The following ANKRD44 variants were observed in gnomAD, a reference collection of about 807,000 sequenced individuals.
ANKRD44 encodes serine/threonine-protein phosphatase 6 regulatory ankyrin repeat subunit B.
In ANKRD44, 35 loss-of-function variants were observed where a neutral mutation model predicts 116.0. That is an observed-to-expected ratio of 0.30 (90% CI 0.23 to 0.40). The LOEUF (loss-of-function observed/expected upper bound fraction) is 0.40. Ranked by LOEUF, ANKRD44 falls within the 10% of genes least tolerant of loss-of-function variation. The pLI, the probability that ANKRD44 is intolerant of heterozygous loss-of-function variation, is 1.00. For missense variants in ANKRD44, 1,014 were observed against 1,242.6 expected (o/e 0.82, Z 2.77); for synonymous variants, 435 against 461.8 (o/e 0.94, Z 0.74).
intron 1 of ANKRD44, among the ~76,000 whole-genome samples, chr2:197,213,503 C>T (rs142926338): frequency 1.8e-4 from 27 of 152,302 alleles, no homozygotes; most frequent in African/African-American, 6.3e-4. Context: ...AAAACCAACT[C>T]ATTAGATGAT....
intron 19 of ANKRD44, 36 bp downstream of exon 19, chr2:197,008,907 GA>G (rs1232392952): frequency 3.1e-6 from 5 of 1,588,030 alleles, no homozygotes; most frequent in Non-Finnish European, 4.3e-6. Flanking sequence ...TGCTGTGATT[GA>G]AATGTCAACC....
chr2:197,267,036 C>T (rs1830286), intron 1 of ANKRD44, among the ~76,000 whole-genome samples: 32,523 of 151,990 alleles, frequency 0.21, 3,660 homozygotes, highest in Middle Eastern at 0.29. Context: ...AACAATGCCA[C>T]ATCAAGGCAT....
At chr2:197,123,456 C>T (rs1330670245) in intron 6 of ANKRD44, among the ~76,000 whole-genome samples, 6 of 152,098 alleles carry the variant, frequency 3.9e-5, no homozygotes, top group Admixed American at 2.6e-4. Flanking sequence ...CATGGTGAAA[C>T]CCCATCTCTA....
intron 1 of ANKRD44, among the ~76,000 whole-genome samples, chr2:197,287,145 T>C (rs1229152722): frequency 1.3e-5 from 2 of 152,144 alleles, no homozygotes; most frequent in African/African-American, 4.8e-5. Context: ...TGTACCACTC[T>C]AGTGGGGATG....
At chr2:197,025,107 A>G in intron 17 of ANKRD44, 89 bp downstream of exon 17, 1 of 1,314,106 alleles carries the variant, frequency 7.6e-7, no homozygotes, top group Non-Finnish European at 1.1e-6. Context: ...TCACTGTGTT[A>G]CTACATTTAC....
intron 21 of ANKRD44, among the ~76,000 whole-genome samples, chr2:197,002,882 C>A (rs2076137718): frequency 6.6e-6 from 1 of 152,164 alleles, no homozygotes; most frequent in East Asian, 1.9e-4. Context: ...CCCTTATGAT[C>A]TACCTCAGAA....
chr2:197,223,250 A>G (rs140992909), intron 1 of ANKRD44, among the ~76,000 whole-genome samples: 1 of 152,348 alleles, frequency 6.6e-6, no homozygotes, highest in African/African-American at 2.4e-5. Context: ...CCCTGGCCCC[A>G]TTACCTACCC....
chr2:197,156,501 T>A (rs1483195306), intron 2 of ANKRD44, among the ~76,000 whole-genome samples: 1 of 152,174 alleles, frequency 6.6e-6, no homozygotes, highest in Non-Finnish European at 1.5e-5. Flanking sequence ...GCACTGCTAG[T>A]AGGAGTGGGA....
chr2:197,081,644 C>A lies in ANKRD44; in HGVS notation c.1538+1G>T, dbSNP rs1245767721. ...TGTTCTTAAGCTGAGAAGAAACTTA[C>A]AGTGTGGCTTCCTTTTCCTTCAGCT... is the stretch of plus-strand genomic sequence containing the variant. On this transcript the variant is annotated splice_donor_variant, in intron 15 of 27. Coordinates refer to ENST00000282272, the MANE Select transcript of ANKRD44 (RefSeq NM_001195144.2). LOFTEE classifies it high-confidence loss of function. The A allele has an allele frequency of 1.2e-6, 2 of 1,613,114 alleles. No individual in the cohort carries two copies. The highest frequency in any genetic ancestry group is 1.7e-6 in the Non-Finnish European group (2 of 1,179,254).
chr2:197,186,798 A>G (rs2080684698), intron 2 of ANKRD44, among the ~76,000 whole-genome samples: 1 of 151,322 alleles, frequency 6.6e-6, no homozygotes, highest in Admixed American at 6.6e-5. Context: ...ATATATTACC[A>G]TATTACAAAG....
intron 20 of ANKRD44, among the ~76,000 whole-genome samples, chr2:197,006,839 T>TA (rs2076211111): frequency 6.6e-6 from 1 of 152,188 alleles, no homozygotes; most frequent in Non-Finnish European, 1.5e-5. Context: ...TGCAAGTGGC[T>TA]AATGCCTGTA....
chr2:196,981,621 T>G (rs1446300086), intron 21 of ANKRD44, among the ~76,000 whole-genome samples: 1 of 151,870 alleles, frequency 6.6e-6, no homozygotes, highest in Non-Finnish European at 1.5e-5. Flanking sequence ...ACTAAAAATT[T>G]TTTTAAAAAT....
chr2:197,216,292 G>A (rs2081440777), intron 1 of ANKRD44, among the ~76,000 whole-genome samples: 1 of 152,178 alleles, frequency 6.6e-6, no homozygotes, highest in Non-Finnish European at 1.5e-5. Flanking sequence ...TCACCCTAAA[G>A]GTCTCTCACT....
At chr2:197,163,674 T>C (rs2080025806) in intron 2 of ANKRD44, among the ~76,000 whole-genome samples, 1 of 152,020 alleles carries the variant, frequency 6.6e-6, no homozygotes, top group Non-Finnish European at 1.5e-5. Flanking sequence ...GAGCAGAAGG[T>C]TAACACCAGG....
chr2:197,219,971 T>C lies in ANKRD44; in HGVS notation c.28-32865A>G, dbSNP rs572668658. Reference sequence around the variant, plus strand: ...TATTTTAACAAGCTATAGAAGGCTGTTCTTCATATTAACCTTACATATAAA... The same window carrying C: ...TATTTTAACAAGCTATAGAAGGCTGCTCTTCATATTAACCTTACATATAAA... On this transcript the variant is annotated intron_variant, in intron 1 of 27. Transcript: ENST00000282272. Among the ~76,000 whole-genome samples the C allele has an allele frequency of 1.7e-3, 256 of 152,346 alleles. 1 individual carries two copies. Among genetic ancestry groups the C allele is most frequent in the African/African-American group, 6.0e-3 (249 of 41,580 alleles).
At chr2:197,255,772 C>T (rs776005068) in intron 1 of ANKRD44, among the ~76,000 whole-genome samples, 14 of 152,218 alleles carry the variant, frequency 9.2e-5, no homozygotes, top group Non-Finnish European at 1.6e-4. Context: ...CAGCCAGAGC[C>T]AGTAGGGCTG....
chr2:197,048,666 T>G lies in ANKRD44; in HGVS notation c.1651-23399A>C, dbSNP rs58743571. ...AATAAACATACACGTGCATGTGTCT[T>G]TATGACAGCATGATTTATAATCCTT... On this transcript the variant is annotated intron_variant, in intron 16 of 27. Transcript: ENST00000282272. Among the ~76,000 whole-genome samples the G allele has an allele frequency of 6.0e-3, 917 of 152,338 alleles. 11 individuals are homozygous for G. The highest frequency in any genetic ancestry group is 0.02 in the African/African-American group (828 of 41,566).
At chr2:197,128,455 T>C (rs916523043) in intron 4 of ANKRD44, among the ~76,000 whole-genome samples, 1 of 152,258 alleles carries the variant, frequency 6.6e-6, no homozygotes, top group Non-Finnish European at 1.5e-5. Context: ...GAACTGCCTG[T>C]TCATGTACTT....
chr2:197,298,205 C>G (rs1420140159), intron 1 of ANKRD44, among the ~76,000 whole-genome samples: 2 of 152,212 alleles, frequency 1.3e-5, no homozygotes. Flanking sequence ...TTAAGAACTA[C>G]ACGGTATAAT....
Sources: gnomAD v4.1 joint callset for allele counts (sites outside exome capture counted in the v4.1 genomes callset) on GRCh38, gnomAD v4.1.1 for gene constraint, MANE v1.5 for transcripts, NCBI Gene and HGNC (gene_info 2026-07-23, HGNC 2026-07-21) for gene names.